The following ZNF227 variants were observed in gnomAD, a reference collection of about 807,000 sequenced individuals.
ZNF227 encodes the protein zinc finger protein 227.
A neutral mutation model predicts 13.2 loss-of-function variants in ZNF227; 12 were observed. That is an observed-to-expected ratio of 0.91 (90% CI 0.58 to 1.47). The LOEUF is 1.47. Among genes scored for constraint, ZNF227 ranks in the 40% most tolerant of loss-of-function variants. The pLI, the probability that ZNF227 is intolerant of heterozygous loss-of-function variation, is 0.00. For missense variants in ZNF227, 885 were observed against 967.5 expected (o/e 0.91, Z 1.13); for synonymous variants, 338 against 326.0 (o/e 1.04, Z -0.40).
intron 4 of ZNF227, 42 bp downstream of exon 4, chr19:44,228,614 G>A: frequency 6.4e-7 from 1 of 1,563,760 alleles, no homozygotes; most frequent in Non-Finnish European, 8.6e-7. Context: ...CAGTTCCCTT[G>A]AGAATCTCTT....
upstream of ZNF227, among the ~76,000 whole-genome samples, chr19:44,210,172 G>A (rs926371700): frequency 3.6e-4 from 55 of 152,328 alleles, no homozygotes; most frequent in African/African-American, 1.3e-3. Context: ...CATTTGCATA[G>A]TCTTCTAGTT....
chr19:44,235,316 C>T lies in ZNF227; in HGVS notation c.886C>T (p.Leu296Phe). 1 of 1,614,186 alleles carries T rather than the reference C, an allele frequency of 6.2e-7. No individual in the cohort carries two copies. Among genetic ancestry groups the T allele is most frequent in the Non-Finnish European group, 8.5e-7 (1 of 1,180,034 alleles). The change falls in exon 6 of 6, where the codon CTC (leucine) becomes TTC (phenylalanine). Residue 296 changes from leucine to phenylalanine, a missense_variant. Leu to Phe is a conservative substitution (Grantham distance 22). Transcript: ENST00000313040. ...TCAGAGAATTCACCCAGGAGAGAAA[C>T]TCAATAGATGTCATGAATCTGGTGA... is the stretch of plus-strand genomic sequence containing the variant. ...THQRIHPGEK[L>F]NRCHESGDCF...
At chr19:44,221,545 C>T (rs1183160533) in intron 3 of ZNF227, among the ~76,000 whole-genome samples, 1 of 152,186 alleles carries the variant, frequency 6.6e-6, no homozygotes, top group Non-Finnish European at 1.5e-5. Flanking sequence ...TGGTTTTTGG[C>T]TGCATAAATG....
At chr19:44,230,713 C>T (rs1328657937) in intron 5 of ZNF227, among the ~76,000 whole-genome samples, 1 of 151,494 alleles carries the variant, frequency 6.6e-6, no homozygotes, top group African/African-American at 2.4e-5. Flanking sequence ...CATCCCCTTA[C>T]CTTTCCTTTC....
intron 2 of ZNF227, chr19:44,217,325 G>A (rs1211960578): frequency 4.9e-6 from 2 of 408,438 alleles, no homozygotes; most frequent in East Asian, 7.1e-5. Flanking sequence ...AGGGACTCCT[G>A]GTTCTTAGAA....
intron 3 of ZNF227, among the ~76,000 whole-genome samples, chr19:44,222,186 T>C (rs1568599440): frequency 6.6e-6 from 1 of 151,884 alleles, no homozygotes; most frequent in East Asian, 1.9e-4. Flanking sequence ...TAGTTTGAAG[T>C]CAGGTAGCAT....
At chr19:44,226,061 G>A (rs558087257) in intron 3 of ZNF227, among the ~76,000 whole-genome samples, 15 of 152,184 alleles carry the variant, frequency 9.9e-5, no homozygotes, top group East Asian at 3.9e-4. Context: ...TATCAGCAGC[G>A]GTGGCTGCAG....
chr19:44,209,672 C>T (rs1321362148), upstream of ZNF227, among the ~76,000 whole-genome samples: 1 of 152,146 alleles, frequency 6.6e-6, no homozygotes, highest in Non-Finnish European at 1.5e-5. Context: ...CTGCAAGCTC[C>T]ACCTCCCGGG....
Position 44,236,277 on chromosome 19 carries a change from C to T in ZNF227, c.1847C>T (p.Ala616Val). ...CAGTGTGATAAGAGCTTCAGTCAGGCCATAGATTTTCGGGTACATCAGAGA... is the reference window on the plus strand; with the variant it reads ...CAGTGTGATAAGAGCTTCAGTCAGGTCATAGATTTTCGGGTACATCAGAGA... ...CEQCDKSFSQAIDFRVHQRVH... is the reference protein window; with the variant it reads ...CEQCDKSFSQVIDFRVHQRVH... Residue 616 changes from alanine to valine, a missense_variant, in exon 6 of 6, where the codon GCC becomes GTC. By Grantham distance (64) the Ala-to-Val change is moderately conservative. Coordinates refer to ENST00000313040, the MANE Select transcript of ZNF227 (RefSeq NM_182490.3). 1 of 1,613,538 alleles carries T rather than the reference C, an allele frequency of 6.2e-7. No individual in the cohort carries two copies. The highest frequency in any genetic ancestry group is 8.5e-7 in the Non-Finnish European group (1 of 1,179,826).
chr19:44,222,427 CTT>C (rs1972631788), intron 3 of ZNF227, among the ~76,000 whole-genome samples: 1 of 151,682 alleles, frequency 6.6e-6, no homozygotes, highest in African/African-American at 2.4e-5. Flanking sequence ...TTTGTATCCT[CTT>C]TTATTTCATC....
At chr19:44,225,758 T>C (rs1443048808) in intron 3 of ZNF227, among the ~76,000 whole-genome samples, 2 of 152,184 alleles carry the variant, frequency 1.3e-5, no homozygotes, top group East Asian at 3.9e-4. Context: ...AAGCCTTCTC[T>C]CAACTCGTCA....
intron 2 of ZNF227, among the ~76,000 whole-genome samples, chr19:44,216,961 T>G (rs1295710900): frequency 1.4e-3 from 195 of 142,376 alleles, no homozygotes; most frequent in African/African-American, 3.8e-3. Context: ...TCTGCTTGTT[T>G]TTTTTTTTTT....
At chr19:44,220,049 C>G (rs897339059) in intron 3 of ZNF227, among the ~76,000 whole-genome samples, 3 of 151,404 alleles carry the variant, frequency 2.0e-5, no homozygotes, top group Admixed American at 2.0e-4. Flanking sequence ...TTTGTCCTTG[C>G]GATAGTTTGC....
chr19:44,226,670 G>C (rs771177394), intron 3 of ZNF227, among the ~76,000 whole-genome samples: 1 of 152,110 alleles, frequency 6.6e-6, no homozygotes, highest in Non-Finnish European at 1.5e-5. Context: ...TCCAGGTGCC[G>C]TCTGTCACCC....
chr19:44,236,908 C>G lies in ZNF227; in HGVS notation c.*78C>G. 2 of 1,183,464 alleles carry G rather than the reference C, an allele frequency of 1.7e-6. No homozygotes were observed. Among genetic ancestry groups the G allele is most frequent in the Non-Finnish European group, 2.4e-6 (2 of 850,082 alleles). 73.3% of individuals were successfully genotyped at this position (1,183,464 alleles called of 1,614,324 possible). Reference sequence around the variant, plus strand: ...GGCTAGTCCATGCTGGTGGTAAACCCTGTAAAACTACTGAGAGTGGAAGGG... The same window carrying G: ...GGCTAGTCCATGCTGGTGGTAAACCGTGTAAAACTACTGAGAGTGGAAGGG... On this transcript the variant is annotated 3_prime_UTR_variant, in exon 6 of 6. Coordinates refer to ENST00000313040, the MANE Select transcript of ZNF227 (RefSeq NM_182490.3).
chr19:44,236,120 A>C lies in ZNF227; in HGVS notation c.1690A>C (p.Lys564Gln), dbSNP rs997215859. 3 of 1,614,000 alleles carry C rather than the reference A, an allele frequency of 1.9e-6. No homozygotes were observed. The South Asian group carries it at 3.3e-5, about 18-fold the overall frequency. ...GGACTTCAGTTATAGTTCAAATCTTAAACTACACCAAGTAATTCACACTGG... is the reference window on the plus strand; with the variant it reads ...GGACTTCAGTTATAGTTCAAATCTTCAACTACACCAAGTAATTCACACTGG... ...GKDFSYSSNLKLHQVIHTGEK... is the reference protein window; with the variant it reads ...GKDFSYSSNLQLHQVIHTGEK... The change falls in exon 6 of 6, where the codon AAA (lysine) becomes CAA (glutamine). Residue 564 changes from lysine to glutamine, a missense_variant. Physicochemically the swap from Lys to Gln is moderately conservative, Grantham distance 53. Transcript: ENST00000313040.
intron 3 of ZNF227, among the ~76,000 whole-genome samples, chr19:44,224,656 T>C (rs1347916776): frequency 6.6e-6 from 1 of 152,214 alleles, no homozygotes; most frequent in Non-Finnish European, 1.5e-5. Context: ...TGAGCCTATG[T>C]GTGTCTCTGC....
At chr19:44,212,301 T>G (rs1293918600), upstream of ZNF227, among the ~76,000 whole-genome samples, 2 of 151,916 alleles carry the variant, frequency 1.3e-5, no homozygotes, top group East Asian at 3.9e-4. Flanking sequence ...ATTCTGGATG[T>G]TGTAGTCCGG....
chr19:44,217,639 C>T, intron 2 of ZNF227, 152 bp from the exon 3 acceptor site: 3 of 849,930 alleles, frequency 3.5e-6, no homozygotes, highest in Non-Finnish European at 6.1e-6. Context: ...AACTATCATG[C>T]CATTTAGTAG....
Sources: gnomAD v4.1 joint callset for allele counts (sites outside exome capture counted in the v4.1 genomes callset) on GRCh38, gnomAD v4.1.1 for gene constraint, MANE v1.5 for transcripts, NCBI Gene and HGNC (gene_info 2026-07-23, HGNC 2026-07-21) for gene names.